Variants in TMEM165 observed in about 807,000 individuals in gnomAD.
The protein encoded by TMEM165 is transmembrane protein 165.
Under a neutral mutation model 30.0 loss-of-function variants are expected in TMEM165, and 19 were observed. The observed-to-expected ratio is 0.63, with a 90% CI of 0.44 to 0.93. The LOEUF is 0.93. Among genes scored for constraint, TMEM165 ranks in the 40% least tolerant of loss-of-function variants. The pLI is 0.00. For missense variants in TMEM165, 340 were observed against 417.0 expected (o/e 0.82, Z 1.61); for synonymous variants, 168 against 162.9 (o/e 1.03, Z -0.24).
chr4:55,442,261 A>T, intron 3 of TMEM165: 1 of 634,470 alleles, frequency 1.6e-6, no homozygotes, highest in Non-Finnish European at 2.7e-6. Context: ...TTAATTATGA[A>T]GTCTTTAAAC....
intron 4 of TMEM165, among the ~76,000 whole-genome samples, chr4:55,420,106 A>AAAAAAAAAAAAATATAT (rs1474254120): frequency 1.3e-4 from 6 of 45,410 alleles, no homozygotes; most frequent in African/African-American, 3.3e-4. Context: ...AAGAAAAAAA[A>AAAAAAAAAAAAATATAT]ATATATATAT....
In TMEM165 at chr4:55,420,129, ATTTATTTATTTATTTAT is replaced by A. The variant is rs71194558; in HGVS notation, c.792+2161_792+2177del. 8.0e-3 allele frequency among the ~76,000 whole-genome samples: 320 copies of A among 40,250 alleles called. 24 individuals are homozygous for A. The South Asian group carries it at 0.085, about 11-fold the overall frequency. The allele number at this position is 40,250 out of a possible 152,430, so 26.4% of individuals were successfully genotyped here. A position where few individuals can be genotyped will look rare whatever the true frequency, so the allele number is the denominator to read the frequency against. ...AAAATATATATATATATACATATAT[ATTTATTTATTTATTTAT>A]TTTATTTATTTATTTAATGGCTGTA... is the stretch of plus-strand genomic sequence containing the variant. On this transcript the variant is annotated intron_variant, in intron 4 of 5. Transcript: ENST00000381334.
At chr4:55,406,487 A>G (rs572365585) in intron 1 of TMEM165, among the ~76,000 whole-genome samples, 93 of 152,322 alleles carry the variant, frequency 6.1e-4, no homozygotes, top group African/African-American at 2.2e-3. Context: ...TACTTACACC[A>G]TCCACATGTA....
chr4:55,415,628 A>G (rs984039000), intron 2 of TMEM165: 2 of 152,164 alleles, frequency 1.3e-5, no homozygotes, highest in Non-Finnish European at 2.9e-5. Flanking sequence ...ACACATACAT[A>G]TATACAAATA....
exon 4 of TMEM165, chr4:55,453,034 T>G: frequency 6.5e-7 from 1 of 1,542,154 alleles, no homozygotes; most frequent in Non-Finnish European, 8.9e-7. Flanking sequence ...AATAATTTTT[T>G]TTAATTATAA....
chr4:55,420,936 GCGTTTAATCCC>G (rs1721950645), intron 4 of TMEM165, among the ~76,000 whole-genome samples: 3 of 151,734 alleles, frequency 2.0e-5, no homozygotes, highest in African/African-American at 7.3e-5. Flanking sequence ...GGTGGCTCAC[GCGTTTAATCCC>G]AGCACTTTGG....
At chr4:55,447,539 C>A (rs1014647927) in intron 3 of TMEM165, among the ~76,000 whole-genome samples, 2 of 152,014 alleles carry the variant, frequency 1.3e-5, no homozygotes, top group African/African-American at 4.8e-5. Flanking sequence ...GGAAGTAAAA[C>A]CACAGACCTA....
intron 1 of TMEM165, among the ~76,000 whole-genome samples, chr4:55,396,692 A>T (rs1720744344): frequency 6.6e-6 from 1 of 152,244 alleles, no homozygotes; most frequent in South Asian, 2.1e-4. Context: ...TGTGTCTTAG[A>T]GTAGCTAGAA....
intron 2 of TMEM165, chr4:55,415,470 G>A (rs1008005777): frequency 9.2e-5 from 14 of 152,062 alleles, no homozygotes; most frequent in African/African-American, 2.7e-4. Context: ...ATTTCTCGGC[G>A]GAGCTTTGAG....
chr4:55,424,716 A>G (rs1722122212), intron 5 of TMEM165, 73 bp downstream of exon 5: 2 of 1,026,912 alleles, frequency 1.9e-6, no homozygotes, highest in Non-Finnish European at 3.0e-6. Flanking sequence ...AGCTTTGATT[A>G]TTTAAATTTC....
At position 55,425,375 on chromosome 4, in the gene TMEM165, G is replaced by C. The variant is rs1188666075; in HGVS notation, c.899-1G>C. On this transcript the variant is annotated splice_acceptor_variant, in intron 5 of 5. Coordinates refer to ENST00000381334, the MANE Select transcript of TMEM165 (RefSeq NM_018475.5). LOFTEE classifies it high-confidence loss of function. ...TTTGACTTTTTTTCTCTCTCTTCCA[G>C]TGACAATCATAGGAGGCATCGTTTT... 6.2e-7 allele frequency: 1 copy of C among 1,613,160 alleles called. No individual in the cohort carries two copies. The highest frequency in any genetic ancestry group is 1.7e-5 in the Admixed American group (1 of 59,988).
At chr4:55,411,539 CTA>C (rs1560391846) in intron 1 of TMEM165, 73 bp from the exon 2 acceptor site, 1 of 1,377,306 alleles carries the variant, frequency 7.3e-7, no homozygotes. Flanking sequence ...TTCAAAAAAA[CTA>C]AATCTTATTT....
At position 55,417,226 on chromosome 4, in the gene TMEM165, AT is replaced by A. The variant is rs1721771561; in HGVS notation, c.590del (p.Leu197Ter). The A allele has an allele frequency of 6.2e-7, 1 of 1,612,038 alleles. No homozygotes were observed. The highest frequency in any genetic ancestry group is 1.3e-5 in the African/African-American group (1 of 74,798). On this transcript the variant is annotated frameshift_variant, in exon 3 of 6. Transcript: ENST00000381334. LOFTEE classifies it high-confidence loss of function. Reference sequence around the variant, plus strand: ...AGGAACTGGAAGAAGTTCAAGCTGAATTAAAGAAGAAAGATGAAGAAGTAAG... The same window carrying A: ...AGGAACTGGAAGAAGTTCAAGCTGAATAAAGAAGAAAGATGAAGAAGTAAG... ...QEELEEVQAE[L>X]KKKDEEFQRT...
intron 1 of TMEM165, among the ~76,000 whole-genome samples, chr4:55,400,289 T>A (rs564487420): frequency 1.5e-4 from 15 of 99,482 alleles, no homozygotes; most frequent in East Asian, 1.3e-3. Context: ...TATTATATAT[T>A]ATATATAATA....
chr4:55,434,002 T>C (rs1005349670), intron 3 of TMEM165: 1 of 152,726 alleles, frequency 6.5e-6, no homozygotes, highest in Middle Eastern at 3.4e-3. Context: ...ATAACTATGA[T>C]AGTGTTAGGT....
At chr4:55,440,582 T>A (rs1176237032) in intron 3 of TMEM165, among the ~76,000 whole-genome samples, 1 of 152,048 alleles carries the variant, frequency 6.6e-6, no homozygotes, top group Non-Finnish European at 1.5e-5. Context: ...ACCAAATACT[T>A]TAATGCAAAA....
intron 1 of TMEM165, among the ~76,000 whole-genome samples, chr4:55,409,233 G>A (rs1299859822): frequency 6.6e-6 from 1 of 152,062 alleles, no homozygotes. Flanking sequence ...TAGTCTTAAT[G>A]GTAATGCCTA....
chr4:55,444,533 CG>C, intron 3 of TMEM165: 1 of 1,375,576 alleles, frequency 7.3e-7, no homozygotes, highest in Non-Finnish European at 1.0e-6. Flanking sequence ...ATTGATAAAA[CG>C]TATCTCTTGC....
intron 3 of TMEM165, among the ~76,000 whole-genome samples, chr4:55,444,080 A>G (rs1038063966): frequency 1.3e-5 from 2 of 152,220 alleles, no homozygotes; most frequent in African/African-American, 4.8e-5. Context: ...TCAATCTTTC[A>G]GTTATCTTGT....
Sources: allele counts gnomAD v4.1 joint callset (sites outside exome capture counted in the v4.1 genomes callset), GRCh38; gene constraint gnomAD v4.1.1; transcripts MANE v1.5; gene names NCBI Gene and HGNC (gene_info 2026-07-23, HGNC 2026-07-21).